The following LLGL1 variants were observed in gnomAD, a reference collection of about 807,000 sequenced individuals.
LLGL1 encodes LLGL scribble cell polarity complex component 1.
In LLGL1, 58 loss-of-function variants were observed where a neutral mutation model predicts 110.6. That is an observed-to-expected ratio of 0.52 (90% CI 0.42 to 0.65). LLGL1 has a LOEUF of 0.65. Ranked by LOEUF, LLGL1 falls within the 30% of genes least tolerant of loss-of-function variation. The pLI is 0.00. For missense variants in LLGL1, 1,229 were observed against 1,462.1 expected (o/e 0.84, Z 2.60); for synonymous variants, 674 against 607.2 (o/e 1.11, Z -1.62).
Position 18,241,988 on chromosome 17 carries a change from C to T in LLGL1, c.2871C>T (p.Ala957=). Residue 957 remains alanine, a synonymous_variant, in exon 19 of 23, where the codon GCC becomes GCT. Transcript: ENST00000316843. ...TGGACATTAACTGGCCCCGCGATGC[C>T]ACCCAGGCCAGGTGTGTGGAGGGGC... ...CSLDINWPRD[A]TQASYRIRES... The T allele has an allele frequency of 4.3e-6, 7 of 1,613,690 alleles. No homozygotes were observed. The highest frequency in any genetic ancestry group is 5.9e-6 in the Non-Finnish European group (7 of 1,179,588).
At position 18,234,826 on chromosome 17, in the gene LLGL1, C is replaced by T. The variant is rs2047654788; in HGVS notation, c.906-13C>T. 1 of 1,613,496 alleles carries T rather than the reference C, an allele frequency of 6.2e-7. No individual in the cohort carries two copies. The highest frequency in any genetic ancestry group is 1.7e-5 in the Admixed American group (1 of 59,974). ...AAGTGGTTCATGGCTCGCACACCTCCCTCTGCACATAGGGGCCACTTTATC... is the reference window on the plus strand; with the variant it reads ...AAGTGGTTCATGGCTCGCACACCTCTCTCTGCACATAGGGGCCACTTTATC... On this transcript the variant is annotated splice_polypyrimidine_tract_variant and intron_variant, in intron 8 of 22. Coordinates refer to ENST00000316843, the MANE Select transcript of LLGL1 (RefSeq NM_004140.4).
intron 4 of LLGL1, among the ~76,000 whole-genome samples, chr17:18,233,569 C>T (rs1314775585): frequency 1.3e-5 from 2 of 152,130 alleles, no homozygotes; most frequent in Admixed American, 1.3e-4. Flanking sequence ...CCTAGGGACC[C>T]TATTTTTATC....
intron 11 of LLGL1, chr17:18,235,838 G>A: frequency 2.5e-6 from 1 of 407,674 alleles, no homozygotes; most frequent in Non-Finnish European, 4.4e-6. Context: ...GCCCAGGGAA[G>A]GTGCCAGAGA....
At position 18,238,618 on chromosome 17, in the gene LLGL1, G is replaced by T; in HGVS notation, c.2206+9G>T. On this transcript the variant is annotated intron_variant, in intron 16 of 22. Transcript: ENST00000316843. ...CACATTCCTTCGAGATGGTAAGGCA[G>T]GGGCAGGGGCAGGGACAGGGCAAGG... 6.2e-7 allele frequency: 1 copy of T among 1,605,950 alleles called. No individual in the cohort carries two copies.
chr17:18,240,649 C>T lies in LLGL1; in HGVS notation c.2278C>T (p.Pro760Ser). Residue 760 changes from proline (P) to serine (S), a missense_variant, in exon 17 of 23, where the codon CCG (proline) becomes TCG (serine). Coordinates refer to ENST00000316843, the MANE Select transcript of LLGL1 (RefSeq NM_004140.4). This position sits in a 1 kb window ranked among gnomAD's most constrained non-coding sequence, Gnocchi z 5.3. ...GSVFAYALEV[P>S]AAAVGGEKRP... is the part of the protein sequence containing the mutation. Reference sequence around the variant, plus strand: ...TGTGTTCGCCTATGCACTGGAGGTGCCGGCAGCAGCAGTGGGTGGTGAGAA... The same window carrying T: ...TGTGTTCGCCTATGCACTGGAGGTGTCGGCAGCAGCAGTGGGTGGTGAGAA... 2 of 1,613,028 alleles carry T rather than the reference C, an allele frequency of 1.2e-6. No individual in the cohort carries two copies. Among genetic ancestry groups the T allele is most frequent in the Non-Finnish European group, 1.7e-6 (2 of 1,179,758 alleles).
chr17:18,225,809 C>G, intron 1 of LLGL1, 46 bp downstream of exon 1: 109 of 145,264 alleles, frequency 7.5e-4, no homozygotes, highest in Middle Eastern at 6.1e-3. Flanking sequence ...GGGGGCGGGA[C>G]GGGGGCCTGG....
chr17:18,228,678 G>A (rs1220755099), intron 1 of LLGL1, among the ~76,000 whole-genome samples: 2 of 152,148 alleles, frequency 1.3e-5, no homozygotes, highest in Non-Finnish European at 2.9e-5. Context: ...GCAGTGTCCC[G>A]TCTCTGGACC....
In LLGL1 at chr17:18,232,579, G is replaced by A; in HGVS notation, c.261+3G>A. The A allele has an allele frequency of 6.2e-7, 1 of 1,614,120 alleles. No individual in the cohort carries two copies. Among genetic ancestry groups the A allele is most frequent in the Non-Finnish European group, 8.5e-7 (1 of 1,179,988 alleles). ...AGATGCACTTCTTGACCGGCCAGGT[G>A]AGCCTCTGCTTCCCACTAGCCAGCT... On this transcript the variant is annotated splice_donor_region_variant and intron_variant, in intron 3 of 22. Transcript: ENST00000316843.
chr17:18,242,051 C>G (rs1174960307), intron 19 of LLGL1, 52 bp downstream of exon 19: 1 of 1,558,170 alleles, frequency 6.4e-7, no homozygotes, highest in Non-Finnish European at 8.9e-7. Flanking sequence ...AGGGCCAGGT[C>G]TCATCCCACC....
Position 18,235,458 on chromosome 17 carries a change from A to G in LLGL1, c.1285-12A>G. ...CTAACCTTGTGCATACATCTCTGCC[A>G]CCCCCTCCCAGAGCTGGCCCATCAC... On this transcript the variant is annotated splice_polypyrimidine_tract_variant and intron_variant, in intron 10 of 22. Coordinates refer to ENST00000316843, the MANE Select transcript of LLGL1 (RefSeq NM_004140.4). 4 of 1,613,858 alleles carry G rather than the reference A, an allele frequency of 2.5e-6. No individual in the cohort carries two copies. Among genetic ancestry groups the G allele is most frequent in the Non-Finnish European group, 3.4e-6 (4 of 1,179,948 alleles).
chr17:18,232,469 T>C, intron 2 of LLGL1, 26 bp from the exon 3 acceptor site: 1 of 1,605,916 alleles, frequency 6.2e-7, no homozygotes, highest in Non-Finnish European at 8.5e-7. Context: ...TCTATGCCTA[T>C]TTCCACCTTG....
intron 4 of LLGL1, among the ~76,000 whole-genome samples, chr17:18,233,419 G>A (rs954341888): frequency 5.3e-5 from 8 of 152,136 alleles, no homozygotes; most frequent in Non-Finnish European, 1.0e-4. Context: ...CTCCTGCGAA[G>A]TCAGGAGATG....
rs757983633 is a variant in LLGL1 at position 18,241,506 on chromosome 17, A to C, written c.2558A>C (p.Glu853Ala). 20 of 1,613,670 alleles carry C rather than the reference A, an allele frequency of 1.2e-5. No individual in the cohort carries two copies. The Admixed American group carries it at 3.3e-4, about 27-fold the overall frequency. The change falls in exon 18 of 23, where the codon GAG becomes GCG. Residue 853 changes from glutamate to alanine, a missense_variant. Physicochemically the swap from Glu to Ala is moderately radical, Grantham distance 107. Transcript: ENST00000316843. ...AKTKFKLTAH[E>A]GCRVRKVALA... Reference sequence around the variant, plus strand: ...ACCAAGTTCAAGCTGACGGCCCATGAGGGCTGTCGTGTGCGCAAGGTGGCA... The same window carrying C: ...ACCAAGTTCAAGCTGACGGCCCATGCGGGCTGTCGTGTGCGCAAGGTGGCA...
chr17:18,237,392 T>C, intron 13 of LLGL1, 89 bp from the exon 14 acceptor site: 1 of 1,320,332 alleles, frequency 7.6e-7, no homozygotes, highest in East Asian at 2.5e-5. Context: ...TGGTGGTGGC[T>C]GGGGCTGCTT....
Position 18,235,129 on chromosome 17 carries a change from G to A in LLGL1, c.1101G>A (p.Glu367=). The change falls in exon 10 of 23, where the codon GAG becomes GAA. Residue 367 remains glutamate (E), a synonymous_variant. Transcript: ENST00000316843. The part of the protein sequence containing the change: ...DPQALAVLLE[E]ELVVLDLQTP... ...AGGCCCTGGCTGTGCTGCTGGAAGA[G>A]GAGCTGGTGGTGCTGGACCTGCAGA... 1 of 1,613,858 alleles carries A rather than the reference G, an allele frequency of 6.2e-7. No homozygotes were observed.
Position 18,234,033 on chromosome 17 carries a change from G to A in LLGL1, c.572G>A (p.Cys191Tyr), listed in dbSNP as rs1249765972. 1 of 1,595,218 alleles carries A rather than the reference G, an allele frequency of 6.3e-7. No individual in the cohort carries two copies. The highest frequency in any genetic ancestry group is 8.6e-7 in the Non-Finnish European group (1 of 1,167,278). Residue 191 changes from cysteine to tyrosine, a missense_variant, in exon 6 of 23, where the codon TGT becomes TAT. Coordinates refer to ENST00000316843, the MANE Select transcript of LLGL1 (RefSeq NM_004140.4). ...CACAGCGTGCCAGACGACTACCGCT[G>A]TGGGAAGGCACTGGGCCCCGTGGAG... Reference protein sequence around the residue: ...VLRSVPDDYRCGKALGPVESL... With the variant: ...VLRSVPDDYRYGKALGPVESL...
chr17:18,225,965 C>A (rs917803318), intron 1 of LLGL1, among the ~76,000 whole-genome samples: 2 of 151,802 alleles, frequency 1.3e-5, no homozygotes, highest in African/African-American at 4.8e-5. Context: ...GGGTCTCCGG[C>A]CGACTTTCCG....
intron 7 of LLGL1, 40 bp from the exon 8 acceptor site, chr17:18,234,609 A>G (rs752019783): frequency 1.4e-5 from 23 of 1,611,018 alleles, no homozygotes; most frequent in Non-Finnish European, 1.9e-5. Context: ...ATTGCTAAGA[A>G]CCACCAGTGA....
In LLGL1 at chr17:18,232,805, A is replaced by G. The variant is rs1479354691; in HGVS notation, c.392+3A>G. On this transcript the variant is annotated splice_donor_region_variant and intron_variant, in intron 4 of 22. Coordinates refer to ENST00000316843, the MANE Select transcript of LLGL1 (RefSeq NM_004140.4). ...CGGCCCGGCTTTGATGGTGCCAGGT[A>G]CTGGAGAACTTGGCTGGGGCCAGCC... The G allele has an allele frequency of 1.2e-6, 2 of 1,613,778 alleles. No homozygotes were observed. Among genetic ancestry groups the G allele is most frequent in the Non-Finnish European group, 8.5e-7 (1 of 1,179,956 alleles).
Sources: allele counts gnomAD v4.1 joint callset (sites outside exome capture counted in the v4.1 genomes callset), GRCh38; gene constraint gnomAD v4.1.1; non-coding constraint Gnocchi (gnomAD v3.1); transcripts MANE v1.5; gene names NCBI Gene and HGNC (gene_info 2026-07-23, HGNC 2026-07-21).